The following AGBL4 variants were observed in gnomAD, a reference collection of about 807,000 sequenced individuals.
The protein encoded by AGBL4 is AGBL carboxypeptidase 4.
Under a neutral mutation model 66.4 loss-of-function variants are expected in AGBL4, and 58 were observed. The ratio of observed to expected loss-of-function variants is 0.87; its 90% CI spans 0.71 to 1.09. AGBL4 has a LOEUF of 1.09. AGBL4 is among the 50% of genes least tolerant of loss of function. The pLI is 0.00. For missense variants in AGBL4, 579 were observed against 631.0 expected, an observed-to-expected ratio of 0.92 and a Z score of 0.88; for synonymous variants, 234 against 222.9, an observed-to-expected ratio of 1.05 and a Z score of -0.44.
intron 4 of AGBL4, among the ~76,000 whole-genome samples, chr1:49,181,496 G>C (rs1196939443): frequency 1.3e-5 from 2 of 152,082 alleles, no homozygotes; most frequent in African/African-American, 4.8e-5. Context: ...GTGGGGACTT[G>C]GGCAAAATCC....
intron 1 of AGBL4, among the ~76,000 whole-genome samples, chr1:49,938,718 C>A (rs1188821083): frequency 6.6e-6 from 1 of 152,024 alleles, no homozygotes; most frequent in Admixed American, 6.6e-5. Flanking sequence ...CGTAATCCAG[C>A]ATATAAACAG....
intron 6 of AGBL4, among the ~76,000 whole-genome samples, chr1:48,676,124 A>G (rs1646361037): frequency 1.3e-5 from 2 of 152,224 alleles, no homozygotes; most frequent in Admixed American, 6.5e-5. Context: ...TGGCCTAGGT[A>G]AGTGGCTCCG....
intron 4 of AGBL4, among the ~76,000 whole-genome samples, chr1:49,082,345 C>A (rs1644823455): frequency 6.6e-6 from 1 of 152,124 alleles, no homozygotes; most frequent in South Asian, 2.1e-4. Flanking sequence ...TCTAATGCTG[C>A]TAATAAAGAC....
chr1:49,395,747 G>GTA (rs764822209), intron 3 of AGBL4, among the ~76,000 whole-genome samples: 6,463 of 127,764 alleles, frequency 0.051, 234 homozygotes, highest in African/African-American at 0.087. Flanking sequence ...ATATATATAT[G>GTA]TATATATATA....
intron 2 of AGBL4, among the ~76,000 whole-genome samples, chr1:49,758,005 G>A (rs561501791): frequency 6.6e-6 from 1 of 152,226 alleles, no homozygotes; most frequent in African/African-American, 2.4e-5. Context: ...TGGTTTCATT[G>A]GCCAGGCCCA....
intron 1 of AGBL4, chr1:49,995,894 G>A (rs936485468): frequency 3.3e-5 from 5 of 152,350 alleles, no homozygotes; most frequent in African/African-American, 1.2e-4. Context: ...AGGACTCTTT[G>A]CAGACACTCC....
intron 3 of AGBL4, among the ~76,000 whole-genome samples, chr1:49,255,184 GC>G (rs778660708): frequency 6.6e-6 from 1 of 152,078 alleles, no homozygotes; most frequent in Non-Finnish European, 1.5e-5. Context: ...AAACTAAAGA[GC>G]TTCTAAAAGC....
At chr1:49,500,148 A>G (rs1648003719) in intron 3 of AGBL4, among the ~76,000 whole-genome samples, 1 of 151,882 alleles carries the variant, frequency 6.6e-6, no homozygotes, top group African/African-American at 2.4e-5. Flanking sequence ...ATTTTTTCAT[A>G]TGTTTGTTAG....
intron 4 of AGBL4, among the ~76,000 whole-genome samples, chr1:49,139,738 A>C (rs1214768303): frequency 1.3e-5 from 2 of 152,174 alleles, no homozygotes; most frequent in African/African-American, 4.8e-5. Flanking sequence ...GATTATTATG[A>C]GGGCCAAATG....
At chr1:48,598,144 G>T (rs529374795) in intron 9 of AGBL4, among the ~76,000 whole-genome samples, 1 of 152,172 alleles carries the variant, frequency 6.6e-6, no homozygotes, top group Admixed American at 6.5e-5. Context: ...GAAGGCCAGG[G>T]TTAGAATTTG....
chr1:49,968,970 C>T (rs902072597), intron 1 of AGBL4, among the ~76,000 whole-genome samples: 2 of 152,182 alleles, frequency 1.3e-5, no homozygotes, highest in Non-Finnish European at 2.9e-5. Context: ...CTGCCATATA[C>T]AGCCAAAACA....
chr1:49,897,160 T>C (rs1649305869), intron 1 of AGBL4, among the ~76,000 whole-genome samples: 1 of 151,986 alleles, frequency 6.6e-6, no homozygotes, highest in Non-Finnish European at 1.5e-5. Context: ...TGGAAAGGAA[T>C]AAATCAAATT....
chr1:49,164,772 C>T (rs1208288913), intron 4 of AGBL4, among the ~76,000 whole-genome samples: 3 of 152,190 alleles, frequency 2.0e-5, no homozygotes, highest in East Asian at 1.9e-4. Context: ...TATCTATCTT[C>T]GATCTCCAGT....
intron 1 of AGBL4, among the ~76,000 whole-genome samples, chr1:49,899,813 A>G (rs1649592123): frequency 6.6e-6 from 1 of 152,102 alleles, no homozygotes; most frequent in South Asian, 2.1e-4. Flanking sequence ...GGCCGAGGCA[A>G]GCAGATCACT....
chr1:49,476,248 G>A (rs1488264814), intron 3 of AGBL4, among the ~76,000 whole-genome samples: 1 of 151,944 alleles, frequency 6.6e-6, no homozygotes, highest in Non-Finnish European at 1.5e-5. Flanking sequence ...TCTTGGTACT[G>A]ATTTCTATTT....
chr1:48,764,255 G>C (rs1489667478), intron 6 of AGBL4, among the ~76,000 whole-genome samples: 1 of 152,224 alleles, frequency 6.6e-6, no homozygotes, highest in African/African-American at 2.4e-5. Context: ...CTTGCTAGGT[G>C]ATCTTGAGTA....
intron 5 of AGBL4, among the ~76,000 whole-genome samples, chr1:48,940,783 G>T: frequency 6.6e-6 from 1 of 152,282 alleles, no homozygotes; most frequent in South Asian, 2.1e-4. Context: ...GAAAAGTTCA[G>T]CTTGCTCTCA....
chr1:49,751,271 T>G (rs1651437475), intron 2 of AGBL4, among the ~76,000 whole-genome samples: 1 of 152,182 alleles, frequency 6.6e-6, no homozygotes, highest in Admixed American at 6.5e-5. Flanking sequence ...ATACCTAGTT[T>G]ATTGGGTGTT....
intron 3 of AGBL4, among the ~76,000 whole-genome samples, chr1:49,407,065 CAAA>C (rs57974289): frequency 7.7e-5 from 2 of 25,914 alleles, no homozygotes; most frequent in Non-Finnish European, 8.9e-5. Context: ...ACTCTGCCTC[CAAA>C]AAAAAAAAAA....
Sources: gnomAD v4.1 joint callset for allele counts (sites outside exome capture counted in the v4.1 genomes callset) on GRCh38, gnomAD v4.1.1 for gene constraint, MANE v1.5 for transcripts, NCBI Gene and HGNC (gene_info 2026-07-23, HGNC 2026-07-21) for gene names.